TNFRSF1A: variants seen among roughly 807,000 people sequenced by gnomAD.
TNFRSF1A encodes tumor necrosis factor receptor superfamily member 1A.
A neutral mutation model predicts 41.6 loss-of-function variants in TNFRSF1A; 9 were observed. The ratio of observed to expected loss-of-function variants is 0.22; its 90% confidence interval spans 0.13 to 0.38. The LOEUF is 0.38. Ranked by LOEUF, TNFRSF1A falls within the 10% of genes least tolerant of loss-of-function variation. The pLI is 1.00. For missense variants in TNFRSF1A, 463 were observed against 591.5 expected (o/e 0.78, Z 2.25); for synonymous variants, 254 against 248.6 (o/e 1.02, Z -0.21).
chr12:6,338,941 C>T (rs1948153005), intron 1 of TNFRSF1A, among the ~76,000 whole-genome samples: 1 of 152,220 alleles, frequency 6.6e-6, no homozygotes, highest in Admixed American at 6.5e-5. Flanking sequence ...AGATGCCTCA[C>T]CTCACTTCTA....
Position 6,329,610 on chromosome 12 carries a change from G to A in TNFRSF1A, c.1070C>T (p.Ala357Val). Reference sequence around the variant, plus strand: ...GTTCTCCACCACGGCGTACAGCGTCGCGGGGTCATCAGCTGCGGGGACGCG... The same window carrying A: ...GTTCTCCACCACGGCGTACAGCGTCACGGGGTCATCAGCTGCGGGGACGCG... ...KPQSLDTDDP[A>V]TLYAVVENVP... is the part of the protein sequence containing the mutation. The change falls in exon 10 of 10, where the codon GCG (alanine) becomes GTG (valine). Residue 357 changes from alanine to valine, a missense_variant. By Grantham distance (64) the Ala-to-Val change is moderately conservative (BLOSUM62 0). Coordinates refer to ENST00000162749, the MANE Select transcript of TNFRSF1A (RefSeq NM_001065.4). The A allele has an allele frequency of 6.3e-7, 1 of 1,593,928 alleles. No homozygotes were observed.
chr12:6,337,099 T>A lies in TNFRSF1A; in HGVS notation c.40-2855A>T, dbSNP rs1055889922. 1.3e-5 allele frequency among the ~76,000 whole-genome samples: 2 copies of A among 152,206 alleles called. No individual in the cohort carries two copies. Among genetic ancestry groups the A allele is most frequent in the African/African-American group, 4.8e-5 (2 of 41,454 alleles). On this transcript the variant is annotated intron_variant, in intron 1 of 9. Transcript: ENST00000162749. The surrounding 1 kb of genome is among the most constrained non-coding windows in gnomAD (Gnocchi z 4.6). ...CCAGCCCTGCTTCCTAGGCTTCCCCTGGCCCCCAGAATGCTCCAGGTCAGC... is the reference window on the plus strand; with the variant it reads ...CCAGCCCTGCTTCCTAGGCTTCCCCAGGCCCCCAGAATGCTCCAGGTCAGC...
chr12:6,341,730 G>A lies in TNFRSF1A; in HGVS notation c.39+46C>T. 6.2e-7 allele frequency: 1 copy of A among 1,611,624 alleles called. No homozygotes were observed. The highest frequency in any genetic ancestry group is 8.5e-7 in the Non-Finnish European group (1 of 1,178,636). Reference sequence around the variant, plus strand: ...CGGAGAGGGCCCACGCCAGCCGGAAGGTGCCTCGCCCACCAGCCCACTCTT... The same window carrying A: ...CGGAGAGGGCCCACGCCAGCCGGAAAGTGCCTCGCCCACCAGCCCACTCTT... On this transcript the variant is annotated intron_variant, in intron 1 of 9. Coordinates refer to ENST00000162749, the MANE Select transcript of TNFRSF1A (RefSeq NM_001065.4). The surrounding 1 kb of genome is among the most constrained non-coding windows in gnomAD (Gnocchi z 4.6).
At position 6,341,463 on chromosome 12, in the gene TNFRSF1A, C is replaced by T. The variant is rs1168633891; in HGVS notation, c.39+313G>A. On this transcript the variant is annotated intron_variant, in intron 1 of 9. Transcript: ENST00000162749. This position sits in a 1 kb window ranked among gnomAD's most constrained non-coding sequence, Gnocchi z 4.6. ...CTTTTCCCCGCCAAATCTGCCCCAC[C>T]CTGGGCCTATCTCCTGCCCACATTC... Among the ~76,000 whole-genome samples the T allele has an allele frequency of 6.6e-6, 1 of 152,254 alleles. No homozygotes were observed. Among genetic ancestry groups the T allele is most frequent in the African/African-American group, 2.4e-5 (1 of 41,474 alleles).
Position 6,333,008 on chromosome 12 carries a change from C to T in TNFRSF1A, c.551+61G>A. 4.7e-6 allele frequency: 7 copies of T among 1,501,382 alleles called. No homozygotes were observed. The highest frequency in any genetic ancestry group is 6.5e-6 in the Non-Finnish European group (7 of 1,078,528). The allele number at this position is 1,501,382 out of a possible 1,614,324, so 93.0% of individuals were successfully genotyped here. ...TCTGTTGCCCAGCTAATGGTTCCCACCAGTCACCCGTCCCAACCCATGCCA... is the reference window on the plus strand; with the variant it reads ...TCTGTTGCCCAGCTAATGGTTCCCATCAGTCACCCGTCCCAACCCATGCCA... On this transcript the variant is annotated intron_variant, in intron 5 of 9. Transcript: ENST00000162749. This position sits in a 1 kb window ranked among gnomAD's most constrained non-coding sequence, Gnocchi z 6.3.
chr12:6,331,453 C>T (rs996811774), intron 5 of TNFRSF1A: 11 of 206,710 alleles, frequency 5.3e-5, no homozygotes, highest in East Asian at 1.2e-4. Flanking sequence ...TTCGGGGAGT[C>T]GGGGTCAAAC....
At chr12:6,332,060 C>T (rs549556069) in intron 5 of TNFRSF1A, 73 of 235,482 alleles carry the variant, frequency 3.1e-4, no homozygotes, top group African/African-American at 1.7e-3. Context: ...TTGTGTCAGA[C>T]GTGTTGTAGG....
Position 6,334,371 on chromosome 12 carries a change from A to C in TNFRSF1A, c.40-127T>G. 1.3e-6 allele frequency: 1 copy of C among 762,528 alleles called. No homozygotes were observed. Among genetic ancestry groups the C allele is most frequent in the East Asian group, 2.6e-5 (1 of 37,964 alleles). 47.2% of individuals were successfully genotyped at this position (762,528 alleles called of 1,614,324 possible). On this transcript the variant is annotated intron_variant, in intron 1 of 9. Transcript: ENST00000162749. The surrounding 1 kb of genome is among the most constrained non-coding windows in gnomAD (Gnocchi z 5.1). ...TGAAACATTCCGCCCAGGCCACGCCACTCACTAAGTTTAGAGTTCTTCCTT... is the reference window on the plus strand; with the variant it reads ...TGAAACATTCCGCCCAGGCCACGCCCCTCACTAAGTTTAGAGTTCTTCCTT...
In TNFRSF1A at chr12:6,341,780, G is replaced by A. The variant is rs1555109224; in HGVS notation, c.35C>T (p.Pro12Leu). The change falls in exon 1 of 10, where the codon CCA becomes CTA. Residue 12 changes from proline (P) to leucine (L), a missense_variant. Pro to Leu is a moderately conservative substitution (Grantham distance 98). This residue lies in a region of TNFRSF1A where 37 missense variants were observed against 46.5 expected (regional missense o/e 0.80). Transcript: ENST00000162749. This position sits in a 1 kb window ranked among gnomAD's most constrained non-coding sequence, Gnocchi z 4.6. The stretch of plus-strand genomic sequence containing the variant: ...TCCCTTTGTCCCTGGTCTCACCAGT[G>A]GCAGCAGCAGGTCAGGCACGGTGGA... The part of the protein sequence containing the change: ...GLSTVPDLLL[P>L]LVLLELLVGI... 2 of 1,613,880 alleles carry A rather than the reference G, an allele frequency of 1.2e-6. No individual in the cohort carries two copies. The highest frequency in any genetic ancestry group is 1.7e-6 in the Non-Finnish European group (2 of 1,179,798).
Position 6,329,465 on chromosome 12 carries a change from C to A in TNFRSF1A, c.1215G>T (p.Ala405=), listed in dbSNP as rs1410563545. ...CLREAQYSML[A]TWRRRTPRRE... is the part of the protein sequence containing the mutation. ...GCCGCGGCGTGCGCCGCCTCCAGGTCGCCAGCATGCTGTATTGCGCCTCGC... is the reference window on the plus strand; with the variant it reads ...GCCGCGGCGTGCGCCGCCTCCAGGTAGCCAGCATGCTGTATTGCGCCTCGC... Residue 405 remains alanine, a synonymous_variant, in exon 10 of 10, where the codon GCG becomes GCT. Transcript: ENST00000162749. 2 of 1,592,150 alleles carry A rather than the reference C, an allele frequency of 1.3e-6. No homozygotes were observed. Among genetic ancestry groups the A allele is most frequent in the Non-Finnish European group, 1.7e-6 (2 of 1,176,412 alleles).
Position 6,334,288 on chromosome 12 carries a change from G to A in TNFRSF1A, c.40-44C>T. 6.3e-7 allele frequency: 1 copy of A among 1,585,314 alleles called. No homozygotes were observed. Among genetic ancestry groups the A allele is most frequent in the East Asian group, 2.2e-5 (1 of 44,552 alleles). On this transcript the variant is annotated intron_variant, in intron 1 of 9. Coordinates refer to ENST00000162749, the MANE Select transcript of TNFRSF1A (RefSeq NM_001065.4). The surrounding 1 kb of genome is among the most constrained non-coding windows in gnomAD (Gnocchi z 5.1). ...GAGGAGACACCATCAAGAGAGGGAG[G>A]GATGGGAAGCTTAGGGGTAGCAGAT...
At chr12:6,335,512 C>T (rs2136824955) in intron 1 of TNFRSF1A, among the ~76,000 whole-genome samples, 1 of 152,314 alleles carries the variant, frequency 6.6e-6, no homozygotes, top group Non-Finnish European at 1.5e-5. Context: ...CCTGTTCCGG[C>T]ATCAGTGCCA....
chr12:6,341,470 C>G lies in TNFRSF1A; in HGVS notation c.39+306G>C, dbSNP rs868642364. On this transcript the variant is annotated intron_variant, in intron 1 of 9. Coordinates refer to ENST00000162749, the MANE Select transcript of TNFRSF1A (RefSeq NM_001065.4). This position sits in a 1 kb window ranked among gnomAD's most constrained non-coding sequence, Gnocchi z 4.6. ...CCGCCAAATCTGCCCCACCCTGGGC[C>G]TATCTCCTGCCCACATTCCCTTGGC... 4.6e-5 allele frequency among the ~76,000 whole-genome samples: 7 copies of G among 152,264 alleles called. No homozygotes were observed. Among genetic ancestry groups the G allele is most frequent in the African/African-American group, 1.4e-4 (6 of 41,478 alleles).
In TNFRSF1A at chr12:6,329,825, G is replaced by T; in HGVS notation, c.1010C>A (p.Pro337His). Residue 337 changes from proline to histidine, a missense_variant, in exon 9 of 10, where the codon CCC (proline) becomes CAC (histidine). Transcript: ENST00000162749. The stretch of plus-strand genomic sequence containing the variant: ...GGCGCTGTCCTCCCACTTCTGAAGG[G>T]GGTTGGGGATGGGGTCGGAGGCGAG... Reference protein sequence around the residue: ...TALASDPIPNPLQKWEDSAHK... With the variant: ...TALASDPIPNHLQKWEDSAHK... 6.2e-7 allele frequency: 1 copy of T among 1,605,520 alleles called. No homozygotes were observed. Among genetic ancestry groups the T allele is most frequent in the Non-Finnish European group, 8.5e-7 (1 of 1,177,188 alleles).
chr12:6,332,365 G>A (rs1359584168), intron 5 of TNFRSF1A, among the ~76,000 whole-genome samples: 1 of 150,928 alleles, frequency 6.6e-6, no homozygotes, highest in Non-Finnish European at 1.5e-5. Context: ...CTTGAGCCCT[G>A]GAGGTGGAGG....
At chr12:6,331,050 GT>G in intron 5 of TNFRSF1A, 124 bp from the exon 6 acceptor site, 1 of 809,528 alleles carries the variant, frequency 1.2e-6, no homozygotes, top group Non-Finnish European at 2.1e-6. Context: ...GATATAATTT[GT>G]TTTGGGAACT....
chr12:6,334,406 A>G lies in TNFRSF1A; in HGVS notation c.40-162T>C, dbSNP rs1948092336. ...TTTAGAGTTCTTCCTTGAAACTTAG[A>G]CAGTTGGGGCCATACAATCTGATGC... On this transcript the variant is annotated intron_variant, in intron 1 of 9. Transcript: ENST00000162749. This position sits in a 1 kb window ranked among gnomAD's most constrained non-coding sequence, Gnocchi z 5.1. Among the ~76,000 whole-genome samples, 1 of 152,180 alleles carries G rather than the reference A, an allele frequency of 6.6e-6. No homozygotes were observed. Among genetic ancestry groups the G allele is most frequent in the Admixed American group, 6.5e-5 (1 of 15,290 alleles).
Position 6,333,424 on chromosome 12 carries a change from T to G in TNFRSF1A, c.415A>C (p.Asn139His). The G allele has an allele frequency of 6.2e-7, 1 of 1,613,872 alleles. No individual in the cohort carries two copies. The highest frequency in any genetic ancestry group is 8.5e-7 in the Non-Finnish European group (1 of 1,179,938). The change falls in exon 4 of 10, where the codon AAC becomes CAC. Residue 139 changes from asparagine (N) to histidine (H), a missense_variant. By Grantham distance (68) the Asn-to-His change is moderately conservative. Transcript: ENST00000162749. This position sits in a 1 kb window ranked among gnomAD's most constrained non-coding sequence, Gnocchi z 6.3. ...CTGCAATTGAAGCACTGGAAAAGGT[T>G]TTCACTCCAATAATGCCGGTACTGG... ...KNQYRHYWSE[N>H]LFQCFNCSLC...
At chr12:6,336,270 C>T (rs907152327) in intron 1 of TNFRSF1A, among the ~76,000 whole-genome samples, 2 of 152,036 alleles carry the variant, frequency 1.3e-5, no homozygotes, top group Non-Finnish European at 2.9e-5. Flanking sequence ...GCCACGTGTT[C>T]CCTTCTCTTT....
Sources: allele counts gnomAD v4.1 joint callset (sites outside exome capture counted in the v4.1 genomes callset), GRCh38; gene constraint gnomAD v4.1.1; regional missense constraint gnomAD v4.1.1; non-coding constraint Gnocchi (gnomAD v3.1); transcripts MANE v1.5; gene names NCBI Gene and HGNC (gene_info 2026-07-23, HGNC 2026-07-21).